HTR1F: variants seen among roughly 807,000 people sequenced by gnomAD.
HTR1F encodes 5-hydroxytryptamine receptor 1F, also known as 5-hydroxytryptamine (serotonin) receptor 1F, G protein-coupled.
In HTR1F, 17 loss-of-function variants were observed where a neutral mutation model predicts 24.0. The ratio of observed to expected loss-of-function variants is 0.71; its 90% CI spans 0.48 to 1.06. The LOEUF (loss-of-function observed/expected upper bound fraction) is 1.06, where lower values mean the gene tolerates loss of function less well. HTR1F is among the 50% of genes least tolerant of loss of function. The probability of loss-of-function intolerance (pLI) is 0.00; values close to 1 mark genes in which losing one functional copy is unlikely to be tolerated. For synonymous variants in HTR1F, 186 were observed against 156.8 expected (o/e 1.19, Z -1.39); for missense variants, 391 against 427.8 (o/e 0.91, Z 0.76).
chr3:87,968,016 C>A (rs1193216863), intron 2 of HTR1F, among the ~76,000 whole-genome samples: 3 of 152,124 alleles, frequency 2.0e-5, no homozygotes, highest in African/African-American at 7.2e-5. Context: ...ATGGCTTTGA[C>A]CAAAATGCTG....
At chr3:87,955,355 T>A (rs1704921213) in intron 2 of HTR1F, among the ~76,000 whole-genome samples, 1 of 151,504 alleles carries the variant, frequency 6.6e-6, no homozygotes, top group Admixed American at 6.6e-5. Flanking sequence ...TTGAGATTCA[T>A]CCATGTTGCA....
intron 2 of HTR1F, among the ~76,000 whole-genome samples, chr3:87,929,220 A>C (rs534771056): frequency 1.3e-5 from 2 of 152,314 alleles, no homozygotes; most frequent in African/African-American, 4.8e-5. Context: ...AACAGAAAGC[A>C]CATGGCACCT....
At chr3:87,924,590 G>A (rs1407104131) in intron 2 of HTR1F, among the ~76,000 whole-genome samples, 2 of 151,926 alleles carry the variant, frequency 1.3e-5, no homozygotes, top group Non-Finnish European at 2.9e-5. Context: ...GTTTTTTCTT[G>A]TCTGGAAAAG....
intron 1 of HTR1F, among the ~76,000 whole-genome samples, chr3:87,817,403 C>T (rs1383914778): frequency 6.6e-6 from 1 of 152,118 alleles, no homozygotes; most frequent in Non-Finnish European, 1.5e-5. Flanking sequence ...GTGATAATAA[C>T]TTTCTGAATG....
At chr3:87,860,138 T>C (rs1430878444) in intron 2 of HTR1F, among the ~76,000 whole-genome samples, 1 of 152,232 alleles carries the variant, frequency 6.6e-6, no homozygotes, top group African/African-American at 2.4e-5. Context: ...ATCTGTATCA[T>C]AATCTGCATA....
chr3:87,795,659 C>T (rs544473828), intron 1 of HTR1F, among the ~76,000 whole-genome samples: 43 of 152,126 alleles, frequency 2.8e-4, no homozygotes, highest in Non-Finnish European at 5.7e-4. Flanking sequence ...AGTTCCCGTG[C>T]CCTGTAAGTG....
intron 2 of HTR1F, among the ~76,000 whole-genome samples, chr3:87,947,692 T>A (rs1230569578): frequency 6.6e-6 from 1 of 152,148 alleles, no homozygotes; most frequent in Non-Finnish European, 1.5e-5. Flanking sequence ...TAACATCCAC[T>A]GTGGAGGATT....
chr3:87,861,156 C>CA (rs1391148268), intron 2 of HTR1F, among the ~76,000 whole-genome samples: 6 of 151,904 alleles, frequency 3.9e-5, no homozygotes, highest in Non-Finnish European at 5.9e-5. Context: ...GACCCCATCT[C>CA]AAAAAATATA....
chr3:87,938,005 G>A (rs1362127460), intron 2 of HTR1F, among the ~76,000 whole-genome samples: 1 of 151,928 alleles, frequency 6.6e-6, no homozygotes, highest in African/African-American at 2.4e-5. Flanking sequence ...AACTATCACT[G>A]TTTGCAGATG....
chr3:87,982,972 G>A (rs74871805), intron 2 of HTR1F, among the ~76,000 whole-genome samples: 1 of 147,000 alleles, frequency 6.8e-6, no homozygotes, highest in Non-Finnish European at 1.5e-5. Flanking sequence ...TTCAAAGACT[G>A]GTGCCATGAT....
intron 2 of HTR1F, among the ~76,000 whole-genome samples, chr3:87,921,104 G>A (rs1467682548): frequency 1.3e-5 from 2 of 151,694 alleles, no homozygotes; most frequent in African/African-American, 4.8e-5. Flanking sequence ...CATATTTGTC[G>A]AACATCTACA....
chr3:87,795,724 A>C (rs1703893435), intron 1 of HTR1F, among the ~76,000 whole-genome samples: 1 of 152,202 alleles, frequency 6.6e-6, no homozygotes, highest in Admixed American at 6.5e-5. Context: ...AGAAATACTA[A>C]TTTCTGATCT....
chr3:87,887,773 C>A lies in HTR1F; in HGVS notation c.-43+65649C>A, dbSNP rs555257644. On this transcript the variant is annotated intron_variant, in intron 2 of 2. Coordinates refer to ENST00000319595, the MANE Select transcript of HTR1F (RefSeq NM_001322209.2). The stretch of plus-strand genomic sequence containing the variant: ...TGCAAATCAAAACCACAATGAGATA[C>A]CATCTCACACCAGTTAGAACGGCGA... 2.0e-5 allele frequency among the ~76,000 whole-genome samples: 3 copies of A among 152,290 alleles called. No individual in the cohort carries two copies. In the East Asian group the frequency reaches 5.8e-4, roughly 29 times the overall value.
chr3:87,847,426 T>C (rs1436136517), intron 2 of HTR1F, among the ~76,000 whole-genome samples: 1 of 151,902 alleles, frequency 6.6e-6, no homozygotes, highest in Non-Finnish European at 1.5e-5. Flanking sequence ...ATATTTTACA[T>C]ATTTATGGGA....
intron 2 of HTR1F, among the ~76,000 whole-genome samples, chr3:87,879,838 A>G (rs1468759776): frequency 6.6e-6 from 1 of 152,006 alleles, no homozygotes; most frequent in Non-Finnish European, 1.5e-5. Flanking sequence ...TCACACCATT[A>G]ATAATACATA....
intron 2 of HTR1F, among the ~76,000 whole-genome samples, chr3:87,839,015 T>TA (rs2107172349): frequency 6.7e-6 from 1 of 149,154 alleles, no homozygotes; most frequent in African/African-American, 2.4e-5. Flanking sequence ...TTATTTTATT[T>TA]TTATTTTTAT....
At chr3:87,929,918 C>A (rs892161801) in intron 2 of HTR1F, among the ~76,000 whole-genome samples, 2 of 152,168 alleles carry the variant, frequency 1.3e-5, no homozygotes, top group Admixed American at 6.5e-5. Context: ...AATACTGATT[C>A]TTTCTACCCA....
At chr3:87,968,658 C>T (rs115727612) in intron 2 of HTR1F, among the ~76,000 whole-genome samples, 161 of 152,196 alleles carry the variant, frequency 1.1e-3, no homozygotes, top group Admixed American at 3.9e-4. Context: ...GGAAAATTTG[C>T]AGCCTGACAA....
At chr3:87,856,451 A>AT (rs137979750) in intron 2 of HTR1F, among the ~76,000 whole-genome samples, 10,237 of 152,084 alleles carry the variant, frequency 0.067, 1,111 homozygotes, top group African/African-American at 0.23. Context: ...TGGTCTATTT[A>AT]TTTTTTAAAA....
Sources: allele counts gnomAD v4.1 joint callset (sites outside exome capture counted in the v4.1 genomes callset), GRCh38; gene constraint gnomAD v4.1.1; transcripts MANE v1.5; gene names NCBI Gene and HGNC (gene_info 2026-07-23, HGNC 2026-07-21).